Variants in COL28A1 observed in about 807,000 individuals in gnomAD.
The protein encoded by COL28A1 is collagen type XXVIII alpha 1 chain.
A neutral mutation model predicts 150.2 loss-of-function variants in COL28A1; 161 were observed. The observed-to-expected ratio is 1.07, with a 90% CI of 0.94 to 1.22. COL28A1 has a LOEUF of 1.22. Among genes scored for constraint, COL28A1 ranks in the 50% most tolerant of loss-of-function variants. The pLI, the probability that COL28A1 is intolerant of heterozygous loss-of-function variation, is 0.00. For synonymous variants in COL28A1, 552 were observed against 469.7 expected (o/e 1.18, Z -2.26); for missense variants, 1,617 against 1,388.3 (o/e 1.16, Z -2.62).
chr7:7,496,562 G>C (rs1234666178), intron 11 of COL28A1, among the ~76,000 whole-genome samples: 1 of 151,708 alleles, frequency 6.6e-6, no homozygotes, highest in Non-Finnish European at 1.5e-5. Context: ...TTTTTTTTTA[G>C]CTGAAAGAGT....
chr7:7,484,033 G>C (rs1779494312), intron 13 of COL28A1, among the ~76,000 whole-genome samples: 1 of 151,680 alleles, frequency 6.6e-6, no homozygotes, highest in Admixed American at 6.6e-5. Context: ...AAATAGAATG[G>C]GGCAAGAAAA....
At position 7,532,254 on chromosome 7, in the gene COL28A1, T is replaced by C. The variant is rs76909170; in HGVS notation, c.125-350A>G. 8.5e-3 allele frequency among the ~76,000 whole-genome samples: 1,295 copies of C among 152,242 alleles called. 22 individuals carry two copies. Among genetic ancestry groups the C allele is most frequent in the African/African-American group, 0.03 (1,244 of 41,544 alleles). ...CTGAGCATAGTTGTCTAGAAGTAAA[T>C]GATACTCTAATTCTCAGGTTGTGTC... On this transcript the variant is annotated intron_variant, in intron 2 of 34. Coordinates refer to ENST00000399429, the MANE Select transcript of COL28A1 (RefSeq NM_001037763.3).
At chr7:7,343,256 T>G in the COL28A1 span, among the ~76,000 whole-genome samples, 1 of 152,144 alleles carries the variant, frequency 6.6e-6, no homozygotes, top group East Asian at 1.9e-4. Context: ...TTTTATCAGT[T>G]CTGAAAAATT....
chr7:7,374,966 G>C (rs1288241924), intron 31 of COL28A1, among the ~76,000 whole-genome samples: 8 of 152,170 alleles, frequency 5.3e-5, no homozygotes. Flanking sequence ...GAAGCATTTA[G>C]TAGTTGTGAA....
downstream of COL28A1, among the ~76,000 whole-genome samples, chr7:7,354,709 A>C (rs1780309342): frequency 6.6e-6 from 1 of 152,196 alleles, no homozygotes; most frequent in Admixed American, 6.5e-5. Flanking sequence ...ATATTGGGAC[A>C]CTTCCATAAC....
chr7:7,540,521 A>G (rs543208489), upstream of COL28A1, among the ~76,000 whole-genome samples: 4 of 152,282 alleles, frequency 2.6e-5, no homozygotes, highest in East Asian at 7.7e-4. Context: ...GACCCACCCA[A>G]AGGTCAAATC....
chr7:7,341,770 T>C, the COL28A1 span, among the ~76,000 whole-genome samples: 2 of 152,182 alleles, frequency 1.3e-5, no homozygotes, highest in African/African-American at 4.8e-5. Flanking sequence ...GTGAACTTTT[T>C]GTTGATTTCT....
intron 10 of COL28A1, 29 bp from the exon 11 acceptor site, chr7:7,506,096 T>G: frequency 8.8e-7 from 1 of 1,132,574 alleles, no homozygotes; most frequent in Non-Finnish European, 1.4e-6. Context: ...CAAGAATTAG[T>G]TCTGTGTACA....
chr7:7,403,325 C>T (rs1783320436), intron 27 of COL28A1, among the ~76,000 whole-genome samples: 1 of 152,116 alleles, frequency 6.6e-6, no homozygotes, highest in Admixed American at 6.6e-5. Context: ...GTACCTAGAT[C>T]ATATGTGTAT....
At chr7:7,382,324 G>GA (rs1426687900) in intron 27 of COL28A1, among the ~76,000 whole-genome samples, 2 of 150,786 alleles carry the variant, frequency 1.3e-5, no homozygotes, top group African/African-American at 2.4e-5. Context: ...AAAAAAAACA[G>GA]AAAAAAAATG....
intron 27 of COL28A1, among the ~76,000 whole-genome samples, chr7:7,409,759 A>T (rs1562572312): frequency 6.6e-6 from 1 of 152,122 alleles, no homozygotes; most frequent in Non-Finnish European, 1.5e-5. Context: ...TGATTTCAAA[A>T]TTTGCTTTTC....
the COL28A1 span, among the ~76,000 whole-genome samples, chr7:7,342,252 C>T: frequency 6.6e-6 from 1 of 152,048 alleles, no homozygotes; most frequent in African/African-American, 2.4e-5. Context: ...AATATAACTA[C>T]ACCAACATTC....
chr7:7,452,245 C>A, intron 18 of COL28A1, 74 bp downstream of exon 18: 2 of 1,563,310 alleles, frequency 1.3e-6, no homozygotes, highest in Non-Finnish European at 1.7e-6. Context: ...GTCTGTAAGG[C>A]AATTGGATAT....
the COL28A1 span, among the ~76,000 whole-genome samples, chr7:7,344,141 T>C: frequency 6.6e-6 from 1 of 152,176 alleles, no homozygotes; most frequent in Non-Finnish European, 1.5e-5. Context: ...GATTATTTAG[T>C]CTACTTGTAT....
chr7:7,489,517 GCAAA>G, intron 12 of COL28A1, 60 bp from the exon 13 acceptor site: 2 of 867,384 alleles, frequency 2.3e-6, no homozygotes, highest in Admixed American at 3.6e-5. Flanking sequence ...TAAACATAGC[GCAAA>G]GTTCTCTCAA....
At chr7:7,421,317 A>G (rs1784381126) in intron 25 of COL28A1, among the ~76,000 whole-genome samples, 1 of 152,242 alleles carries the variant, frequency 6.6e-6, no homozygotes. Flanking sequence ...TGGATTAACT[A>G]TAAATGGTCG....
Position 7,520,217 on chromosome 7 carries a change from AT to A in COL28A1, c.760-103del, listed in dbSNP as rs145195733. On this transcript the variant is annotated intron_variant, in intron 5 of 34. Coordinates refer to ENST00000399429, the MANE Select transcript of COL28A1 (RefSeq NM_001037763.3). ...GTTTTGTTTCCTAGAATGAGGGAGA[AT>A]TGTAAAACCTTTACCTGCCAAGCAG... is the stretch of plus-strand genomic sequence containing the variant. The A allele has an allele frequency of 6.0e-3, 3,714 of 614,162 alleles. 114 individuals are homozygous for A. In the African/African-American group the frequency reaches 0.063, roughly 10 times the overall value. The allele number at this position is 614,162 out of a possible 1,614,324, so 38.0% of individuals were successfully genotyped here. A position where few individuals can be genotyped will look rare whatever the true frequency, so the allele number is the denominator to read the frequency against.
chr7:7,354,487 G>C (rs1468659765), downstream of COL28A1, among the ~76,000 whole-genome samples: 2 of 152,062 alleles, frequency 1.3e-5, no homozygotes, highest in Non-Finnish European at 2.9e-5. Flanking sequence ...AAAGCAACAG[G>C]AGGAACGCCC....
chr7:7,453,618 C>G (rs1236728115), intron 16 of COL28A1, 110 bp from the exon 17 acceptor site: 1 of 665,858 alleles, frequency 1.5e-6, no homozygotes, highest in Non-Finnish European at 2.6e-6. Context: ...ACTCAATAAG[C>G]ATTTGTGGAG....
Sources: allele counts gnomAD v4.1 joint callset (sites outside exome capture counted in the v4.1 genomes callset), GRCh38; gene constraint gnomAD v4.1.1; transcripts MANE v1.5; gene names NCBI Gene and HGNC (gene_info 2026-07-23, HGNC 2026-07-21).